Variants in AMOTL1 observed in about 807,000 individuals in gnomAD.
The protein encoded by AMOTL1 is angiomotin-like protein 1.
A neutral mutation model predicts 102.9 loss-of-function variants in AMOTL1; 45 were observed. That is an observed-to-expected ratio of 0.44 (90% CI 0.34 to 0.56). The LOEUF (loss-of-function observed/expected upper bound fraction) is 0.56, where lower values mean the gene tolerates loss of function less well. AMOTL1 is among the 20% of genes least tolerant of loss of function. The probability of loss-of-function intolerance (pLI) is 0.01; values close to 1 mark genes in which losing one functional copy is unlikely to be tolerated. For missense variants in AMOTL1, 1,114 were observed against 1,225.6 expected, an observed-to-expected ratio of 0.91 and a Z score of 1.36; for synonymous variants, 481 against 484.7, an observed-to-expected ratio of 0.99 and a Z score of 0.10.
chr11:94,764,552 A>G (rs1950832723), upstream of AMOTL1, among the ~76,000 whole-genome samples: 1 of 152,188 alleles, frequency 6.6e-6, no homozygotes, highest in South Asian at 2.1e-4. Context: ...AGTTGTAGCG[A>G]TGGTCCCAGG....
At chr11:94,774,431 G>C (rs1239445341) in intron 1 of AMOTL1, among the ~76,000 whole-genome samples, 1 of 152,206 alleles carries the variant, frequency 6.6e-6, no homozygotes, top group Admixed American at 6.5e-5. Flanking sequence ...TATGGTGCTT[G>C]GTACTGTAGG....
intron 1 of AMOTL1, among the ~76,000 whole-genome samples, chr11:94,713,447 A>G (rs900274381): frequency 2.0e-5 from 3 of 151,876 alleles, no homozygotes; most frequent in Non-Finnish European, 4.4e-5. Flanking sequence ...ATCCTGTTAG[A>G]CATGTAGTTT....
chr11:94,742,983 C>T (rs1002400159), intron 3 of AMOTL1, among the ~76,000 whole-genome samples: 16 of 152,196 alleles, frequency 1.1e-4, no homozygotes, highest in South Asian at 2.1e-4. Context: ...AATACCATCA[C>T]ATTGAGGATT....
intron 3 of AMOTL1, among the ~76,000 whole-genome samples, chr11:94,810,942 T>C (rs967807610): frequency 3.3e-5 from 5 of 151,542 alleles, no homozygotes; most frequent in African/African-American, 1.2e-4. Context: ...GAAAAAAAAA[T>C]TTTAAGTCTC....
At chr11:94,849,967 C>T (rs965092024) in intron 6 of AMOTL1, 147 bp from the exon 7 acceptor site, 2 of 1,028,534 alleles carry the variant, frequency 1.9e-6, no homozygotes, top group Admixed American at 5.9e-5. Flanking sequence ...CATACCACCA[C>T]TATGAAAAGG....
chr11:94,745,739 T>C (rs1043760953), intron 3 of AMOTL1, among the ~76,000 whole-genome samples: 1 of 152,218 alleles, frequency 6.6e-6, no homozygotes, highest in African/African-American at 2.4e-5. Flanking sequence ...ATTCAGGAAG[T>C]GCTTTTATTT....
At chr11:94,856,726 A>C (rs1298542808) in intron 8 of AMOTL1, among the ~76,000 whole-genome samples, 1 of 152,236 alleles carries the variant, frequency 6.6e-6, no homozygotes, top group Non-Finnish European at 1.5e-5. Context: ...TGCTGGGGTC[A>C]CACTGTCACA....
At chr11:94,717,207 AT>A (rs982445197) in intron 1 of AMOTL1, among the ~76,000 whole-genome samples, 11 of 151,670 alleles carry the variant, frequency 7.3e-5, no homozygotes, top group African/African-American at 2.7e-4. Flanking sequence ...CTGTTGAGTT[AT>A]TTCCAGAGTA....
chr11:94,741,007 T>C (rs1479552377), intron 3 of AMOTL1: 1 of 1,288,654 alleles, frequency 7.8e-7, no homozygotes, highest in Non-Finnish European at 1.0e-6. Context: ...GCTCATTTTG[T>C]CTTTTATTTC....
chr11:94,754,453 T>G (rs1366534157), intron 3 of AMOTL1, among the ~76,000 whole-genome samples: 1 of 152,264 alleles, frequency 6.6e-6, no homozygotes. Flanking sequence ...CGCTCCGAAG[T>G]GGGACTGTAA....
intron 2 of AMOTL1, chr11:94,796,888 G>T (rs1951377197): frequency 3.7e-6 from 2 of 542,230 alleles, no homozygotes; most frequent in Non-Finnish European, 4.7e-6. Flanking sequence ...ACATATAGAT[G>T]TATTAATATA....
intron 1 of AMOTL1, among the ~76,000 whole-genome samples, chr11:94,781,575 C>G (rs1170151138): frequency 6.6e-6 from 1 of 152,128 alleles, no homozygotes; most frequent in Non-Finnish European, 1.5e-5. Flanking sequence ...CGGTGGCTCA[C>G]GCCTGTAATC....
At position 94,825,583 on chromosome 11, in the gene AMOTL1, C is replaced by T. The variant is rs147409269; in HGVS notation, c.1413+3762C>T. ...CCTAAGAGCTCCCTGACACCTAGGCCGAAAAGGAGAATGAGAGCTGGGAAG... is the reference window on the plus strand; with the variant it reads ...CCTAAGAGCTCCCTGACACCTAGGCTGAAAAGGAGAATGAGAGCTGGGAAG... On this transcript the variant is annotated intron_variant, in intron 4 of 12. Coordinates refer to ENST00000433060, the MANE Select transcript of AMOTL1 (RefSeq NM_130847.3). Among the ~76,000 whole-genome samples the T allele has an allele frequency of 1.6e-3, 247 of 152,232 alleles. 2 individuals carry two copies. Among genetic ancestry groups the T allele is most frequent in the African/African-American group, 5.6e-3 (231 of 41,538 alleles).
chr11:94,850,221 A>G lies in AMOTL1; in HGVS notation c.1756A>G (p.Ser586Gly). The G allele has an allele frequency of 6.3e-7, 1 of 1,595,434 alleles. No individual in the cohort carries two copies. Among genetic ancestry groups the G allele is most frequent in the Non-Finnish European group, 8.5e-7 (1 of 1,170,812 alleles). The change falls in exon 7 of 13, where the codon AGC (serine) becomes GGC (glycine). Residue 586 changes from serine (S) to glycine (G), a missense_variant. Physicochemically the swap from Ser to Gly is moderately conservative, Grantham distance 56. Coordinates refer to ENST00000433060, the MANE Select transcript of AMOTL1 (RefSeq NM_130847.3). ...CATCGAGATCCTGGACCAGGCTTTG[A>G]GCAACGCCCAGGCCAGGGTCATCAA... ...RHIEILDQAL[S>G]NAQARVIKLE...
At chr11:94,750,800 A>G (rs1950644005) in intron 3 of AMOTL1, among the ~76,000 whole-genome samples, 1 of 152,144 alleles carries the variant, frequency 6.6e-6, no homozygotes, top group South Asian at 2.1e-4. Flanking sequence ...TCCTATTCCA[A>G]CAAAACAATC....
intron 6 of AMOTL1, among the ~76,000 whole-genome samples, chr11:94,836,337 C>A (rs1252732851): frequency 6.6e-6 from 1 of 152,204 alleles, no homozygotes; most frequent in Non-Finnish European, 1.5e-5. Context: ...CTAGTGCTTG[C>A]AGCTGCTCCT....
intron 7 of AMOTL1, among the ~76,000 whole-genome samples, chr11:94,853,101 G>A (rs1952579758): frequency 6.6e-6 from 1 of 151,990 alleles, no homozygotes; most frequent in South Asian, 2.1e-4. Context: ...TCTTCATGAT[G>A]TCAAAAACTC....
At chr11:94,861,964 C>T (rs1952783063) in intron 9 of AMOTL1, among the ~76,000 whole-genome samples, 1 of 152,018 alleles carries the variant, frequency 6.6e-6, no homozygotes, top group African/African-American at 2.4e-5. Flanking sequence ...GGATTCTAGG[C>T]CCAGCCTTGT....
intron 1 of AMOTL1, among the ~76,000 whole-genome samples, chr11:94,793,309 A>C (rs1951316623): frequency 6.6e-6 from 1 of 152,170 alleles, no homozygotes; most frequent in Non-Finnish European, 1.5e-5. Flanking sequence ...ATGGGAATGA[A>C]GGCACAGAAA....
Sources: gnomAD v4.1 joint callset for allele counts (sites outside exome capture counted in the v4.1 genomes callset) on GRCh38, gnomAD v4.1.1 for gene constraint, MANE v1.5 for transcripts, NCBI Gene and HGNC (gene_info 2026-07-23, HGNC 2026-07-21) for gene names.